The following VTA1 variants were observed in gnomAD, a reference collection of about 807,000 sequenced individuals.
VTA1 encodes vesicle trafficking 1, also known as vacuolar protein sorting-associated protein VTA1 homolog.
VTA1 carries 24 observed loss-of-function variants against 36.9 expected under a neutral mutation model. That is an observed-to-expected ratio of 0.65 (90% confidence interval 0.47 to 0.91). The LOEUF is 0.91. Among genes scored for constraint, VTA1 ranks in the 40% least tolerant of loss-of-function variants. The probability of loss-of-function intolerance (pLI) is 0.00; values close to 1 mark genes in which losing one functional copy is unlikely to be tolerated. For missense variants in VTA1, 393 were observed against 377.2 expected, an observed-to-expected ratio of 1.04 and a Z score of -0.35; for synonymous variants, 142 against 130.2, an observed-to-expected ratio of 1.09 and a Z score of -0.62.
At chr6:142,204,202 C>A in intron 7 of VTA1, 137 bp downstream of exon 7, 1 of 756,510 alleles carries the variant, frequency 1.3e-6, no homozygotes, top group Non-Finnish European at 2.2e-6. Flanking sequence ...AAATAAATTT[C>A]CTTGAATGCT....
intron 4 of VTA1, among the ~76,000 whole-genome samples, chr6:142,176,804 G>T (rs1484915791): frequency 6.6e-6 from 1 of 152,174 alleles, no homozygotes; most frequent in Non-Finnish European, 1.5e-5. Flanking sequence ...TTGCAGACCA[G>T]CAGTGTTTCT....
At chr6:142,209,428 G>T (rs1205439865) in intron 7 of VTA1, among the ~76,000 whole-genome samples, 1 of 148,310 alleles carries the variant, frequency 6.7e-6, no homozygotes, top group Non-Finnish European at 1.5e-5. Flanking sequence ...ATAAAATTCT[G>T]ATGAACATAA....
intron 6 of VTA1, among the ~76,000 whole-genome samples, chr6:142,199,812 T>C (rs1291946508): frequency 6.6e-6 from 1 of 152,194 alleles, no homozygotes; most frequent in Non-Finnish European, 1.5e-5. Context: ...TTCAATATTT[T>C]ATGGCCTATG....
rs573892107 is a variant in VTA1 at position 142,219,845 on chromosome 6, C to G, written c.*1202C>G. On this transcript the variant is annotated 3_prime_UTR_variant, in exon 8 of 8. Transcript: ENST00000367630. Reference sequence around the variant, plus strand: ...TGGCCCATGGATTGGCCACCTGTTACGTAAATAAAGTTTCTTTGAAACAAG... The same window carrying G: ...TGGCCCATGGATTGGCCACCTGTTAGGTAAATAAAGTTTCTTTGAAACAAG... The G allele has an allele frequency of 6.6e-6, 1 of 152,022 alleles. No homozygotes were observed. The highest frequency in any genetic ancestry group is 1.5e-5 in the Non-Finnish European group (1 of 67,988). The allele number at this position is 152,022 out of a possible 1,614,324, so 9.4% of individuals were successfully genotyped here. A position where few individuals can be genotyped will look rare whatever the true frequency, so the allele number is the denominator to read the frequency against.
intron 1 of VTA1, among the ~76,000 whole-genome samples, chr6:142,147,928 C>G (rs1273244096): frequency 1.3e-5 from 2 of 152,342 alleles, no homozygotes; most frequent in African/African-American, 2.4e-5. Flanking sequence ...CACCCAGCTG[C>G]TCTCTCCTAC....
rs1935072833 is a variant in VTA1, at chr6:142,218,764, A to C, written c.*121A>C. 8.5e-7 allele frequency: 1 copy of C among 1,173,900 alleles called. No homozygotes were observed. The highest frequency in any genetic ancestry group is 1.6e-5 in the African/African-American group (1 of 63,334). 72.7% of individuals were successfully genotyped at this position (1,173,900 alleles called of 1,614,324 possible). ...CTTGGTTTTGTTGAATATGACAATGAAATCTGTGTGTATCAGATTTTTATT... is the reference window on the plus strand; with the variant it reads ...CTTGGTTTTGTTGAATATGACAATGCAATCTGTGTGTATCAGATTTTTATT... On this transcript the variant is annotated 3_prime_UTR_variant, in exon 8 of 8. Transcript: ENST00000367630.
intron 1 of VTA1, among the ~76,000 whole-genome samples, chr6:142,150,230 T>G (rs566746199): frequency 6.6e-6 from 1 of 152,328 alleles, no homozygotes; most frequent in East Asian, 1.9e-4. Context: ...TGGGCCTGAT[T>G]CTGCTTTTCA....
intron 4 of VTA1, among the ~76,000 whole-genome samples, chr6:142,182,090 A>C (rs570445068): frequency 6.6e-6 from 1 of 152,354 alleles, no homozygotes; most frequent in East Asian, 1.9e-4. Flanking sequence ...TGATGTTGCC[A>C]CAAAGTTAGA....
chr6:142,192,747 C>G (rs1562265338), intron 5 of VTA1, among the ~76,000 whole-genome samples: 2 of 151,072 alleles, frequency 1.3e-5, no homozygotes, highest in African/African-American at 4.9e-5. Flanking sequence ...CAAAATACAA[C>G]CTGGTGTCAT....
chr6:142,219,867 C>T lies in VTA1; in HGVS notation c.*1224C>T, dbSNP rs1776072562. The T allele has an allele frequency of 6.6e-6, 1 of 152,096 alleles. No homozygotes were observed. Among genetic ancestry groups the T allele is most frequent in the Non-Finnish European group, 1.5e-5 (1 of 68,026 alleles). The allele number at this position is 152,096 out of a possible 1,614,324, so 9.4% of individuals were successfully genotyped here. ...TTACGTAAATAAAGTTTCTTTGAAACAAGCCTACACTCATTCATTTATGTT... is the reference window on the plus strand; with the variant it reads ...TTACGTAAATAAAGTTTCTTTGAAATAAGCCTACACTCATTCATTTATGTT... On this transcript the variant is annotated 3_prime_UTR_variant, in exon 8 of 8. Transcript: ENST00000367630.
chr6:142,211,205 A>G (rs1775896718), intron 7 of VTA1, among the ~76,000 whole-genome samples: 1 of 152,218 alleles, frequency 6.6e-6, no homozygotes, highest in Admixed American at 6.5e-5. Flanking sequence ...GTGGAAAAAA[A>G]AGAATATACG....
chr6:142,181,187 G>A (rs1775230593), intron 4 of VTA1, among the ~76,000 whole-genome samples: 1 of 139,972 alleles, frequency 7.1e-6, no homozygotes, highest in African/African-American at 2.6e-5. Context: ...AGGGTGGAGT[G>A]CAGTGGCGCG....
chr6:142,166,768 C>A (rs1450510560), intron 2 of VTA1, among the ~76,000 whole-genome samples: 1 of 152,114 alleles, frequency 6.6e-6, no homozygotes, highest in African/African-American at 2.4e-5. Context: ...ACTACAGGCA[C>A]ACGCTAAACG....
chr6:142,207,266 A>G (rs139823771), intron 7 of VTA1, among the ~76,000 whole-genome samples: 6 of 152,274 alleles, frequency 3.9e-5, no homozygotes, highest in Non-Finnish European at 8.8e-5. Context: ...GAAGTGGTCA[A>G]CCATCTTCCC....
intron 5 of VTA1, among the ~76,000 whole-genome samples, chr6:142,195,808 A>G (rs1383825307): frequency 6.6e-6 from 1 of 151,952 alleles, no homozygotes; most frequent in Non-Finnish European, 1.5e-5. Context: ...ATTTATAAAT[A>G]TATTCTTTAA....
intron 4 of VTA1, among the ~76,000 whole-genome samples, chr6:142,172,361 A>G (rs942423443): frequency 3.3e-5 from 5 of 152,126 alleles, no homozygotes; most frequent in African/African-American, 1.2e-4. Context: ...ACATGGAGCA[A>G]TTTTGGCCCT....
intron 2 of VTA1, among the ~76,000 whole-genome samples, chr6:142,167,759 A>G (rs1038405589): frequency 3.3e-5 from 5 of 152,194 alleles, no homozygotes; most frequent in African/African-American, 1.2e-4. Flanking sequence ...TCTGGAGCCT[A>G]TCTGGCCTTG....
intron 2 of VTA1, among the ~76,000 whole-genome samples, chr6:142,166,605 A>G (rs1444581499): frequency 6.6e-6 from 1 of 151,372 alleles, no homozygotes; most frequent in African/African-American, 2.4e-5. Context: ...TATAGGTGAA[A>G]AACCCCTCCT....
At position 142,214,424 on chromosome 6, in the gene VTA1, A is replaced by C. The variant is rs977315472; in HGVS notation, c.779-4074A>C. 2.0e-5 allele frequency among the ~76,000 whole-genome samples: 3 copies of C among 152,122 alleles called. 1 individual carries two copies. The highest frequency in any genetic ancestry group is 4.1e-4 in the South Asian group (2 of 4,824). On this transcript the variant is annotated intron_variant, in intron 7 of 7. Coordinates refer to ENST00000367630, the MANE Select transcript of VTA1 (RefSeq NM_016485.5). ...AAGCAGGCACCTTCTTCACACGGCAATAGGAGAGTGAAGGGGGAAGTGCCA... is the reference window on the plus strand; with the variant it reads ...AAGCAGGCACCTTCTTCACACGGCACTAGGAGAGTGAAGGGGGAAGTGCCA...
Sources: allele counts gnomAD v4.1 joint callset (sites outside exome capture counted in the v4.1 genomes callset), GRCh38; gene constraint gnomAD v4.1.1; transcripts MANE v1.5; gene names NCBI Gene and HGNC (gene_info 2026-07-23, HGNC 2026-07-21).